The following GRB10 variants were observed in gnomAD, a reference collection of about 807,000 sequenced individuals.
The protein encoded by GRB10 is growth factor receptor bound protein 10.
In GRB10, 20 loss-of-function variants were observed where a neutral mutation model predicts 80.9. That is an observed-to-expected ratio of 0.25 (90% CI 0.17 to 0.36). GRB10 has a LOEUF of 0.36. Ranked by LOEUF, GRB10 falls within the 10% of genes least tolerant of loss-of-function variation. GRB10 has a pLI of 1.00. For missense variants in GRB10, 548 were observed against 747.7 expected, an observed-to-expected ratio of 0.73 and a Z score of 3.12; for synonymous variants, 291 against 291.5, an observed-to-expected ratio of 1.00 and a Z score of 0.02.
At chr7:50,789,890 C>G (rs116785509) in intron 1 of GRB10, among the ~76,000 whole-genome samples, 126 of 152,290 alleles carry the variant, frequency 8.3e-4, no homozygotes, top group African/African-American at 2.9e-3. Context: ...GACAATCACA[C>G]CATTTTTCAA....
At chr7:50,636,635 G>A (rs961735535) in intron 7 of GRB10, among the ~76,000 whole-genome samples, 1 of 151,912 alleles carries the variant, frequency 6.6e-6, no homozygotes, top group African/African-American at 2.4e-5. Flanking sequence ...AAAACCATAT[G>A]ATTATCTAAA....
chr7:50,653,741 C>A (rs1398283835), intron 7 of GRB10, among the ~76,000 whole-genome samples: 1 of 152,208 alleles, frequency 6.6e-6, no homozygotes, highest in Non-Finnish European at 1.5e-5. Context: ...ACACGCTTCA[C>A]CACTGTTCAC....
chr7:50,697,944 G>A (rs948779638), intron 5 of GRB10, among the ~76,000 whole-genome samples: 3 of 152,184 alleles, frequency 2.0e-5, no homozygotes, highest in Non-Finnish European at 4.4e-5. Flanking sequence ...TGAACACTCT[G>A]CACTTGGACC....
chr7:50,686,224 T>C (rs968233281), intron 5 of GRB10, among the ~76,000 whole-genome samples: 1 of 152,116 alleles, frequency 6.6e-6, no homozygotes, highest in African/African-American at 2.4e-5. Flanking sequence ...CGTGCCCTTA[T>C]AAAGCCCTGG....
chr7:50,703,911 A>C lies in GRB10; in HGVS notation c.52-3T>G. ...CGAGGTGTCTGCTCCACCTTGTCCT[A>C]AAAAAACAGGACCGCAGCAGAAAGG... is the stretch of plus-strand genomic sequence containing the variant. On this transcript the variant is annotated splice_region_variant and splice_polypyrimidine_tract_variant and intron_variant, in intron 4 of 18. Transcript: ENST00000401949. 1 of 1,607,040 alleles carries C rather than the reference A, an allele frequency of 6.2e-7. No homozygotes were observed. Among genetic ancestry groups the C allele is most frequent in the Non-Finnish European group, 8.5e-7 (1 of 1,174,490 alleles).
At chr7:50,706,559 A>G (rs1182031525) in intron 4 of GRB10, among the ~76,000 whole-genome samples, 1 of 152,094 alleles carries the variant, frequency 6.6e-6, no homozygotes, top group Non-Finnish European at 1.5e-5. Flanking sequence ...GTGACTGTTT[A>G]TTTTTCTGGA....
intron 2 of GRB10, chr7:50,761,853 G>A (rs1293841030): frequency 2.0e-5 from 3 of 152,130 alleles, no homozygotes; most frequent in Non-Finnish European, 4.4e-5. Context: ...GAGTTCTCAA[G>A]AGACCTGGTT....
chr7:50,732,706 C>A (rs1252683652), intron 3 of GRB10, among the ~76,000 whole-genome samples: 1 of 152,180 alleles, frequency 6.6e-6, no homozygotes, highest in South Asian at 2.1e-4. Context: ...TCTATTAACA[C>A]CCTGCAAACT....
chr7:50,682,692 C>T (rs2061677904), intron 5 of GRB10, among the ~76,000 whole-genome samples: 1 of 152,098 alleles, frequency 6.6e-6, no homozygotes, highest in African/African-American at 2.4e-5. Context: ...TGAGTATTTA[C>T]ACTTTGGAAA....
At chr7:50,748,061 G>A (rs1370443575) in intron 3 of GRB10, among the ~76,000 whole-genome samples, 5 of 152,206 alleles carry the variant, frequency 3.3e-5, no homozygotes, top group Admixed American at 3.3e-4. Flanking sequence ...AAATTCCAGA[G>A]GATAGGATTG....
At chr7:50,758,117 GC>G (rs1402100313) in intron 2 of GRB10, among the ~76,000 whole-genome samples, 1 of 152,106 alleles carries the variant, frequency 6.6e-6, no homozygotes, top group Non-Finnish European at 1.5e-5. Flanking sequence ...AAGATACAAT[GC>G]CTCCTCAATA....
chr7:50,601,966 C>T (rs1585491061), intron 17 of GRB10, among the ~76,000 whole-genome samples: 3 of 152,086 alleles, frequency 2.0e-5, no homozygotes, highest in South Asian at 2.1e-4. Context: ...AACCATTGGC[C>T]AATGAGGGGC....
At chr7:50,743,512 C>T (rs1563680408) in intron 3 of GRB10, among the ~76,000 whole-genome samples, 1 of 152,234 alleles carries the variant, frequency 6.6e-6, no homozygotes, top group African/African-American at 2.4e-5. Context: ...AGCATCAAGT[C>T]CCCTCAAGAA....
At chr7:50,772,480 A>G (rs1452041450) in intron 2 of GRB10, among the ~76,000 whole-genome samples, 1 of 152,228 alleles carries the variant, frequency 6.6e-6, no homozygotes, top group Non-Finnish European at 1.5e-5. Context: ...ATCATACTCA[A>G]TGGCGAAATA....
At chr7:50,634,206 A>G (rs2054522001) in intron 7 of GRB10, among the ~76,000 whole-genome samples, 1 of 152,224 alleles carries the variant, frequency 6.6e-6, no homozygotes, top group Non-Finnish European at 1.5e-5. Context: ...CAGAAACCTT[A>G]CAAGTCAGAA....
At chr7:50,668,292 G>T (rs2060013165) in intron 7 of GRB10, among the ~76,000 whole-genome samples, 1 of 152,198 alleles carries the variant, frequency 6.6e-6, no homozygotes, top group South Asian at 2.1e-4. Flanking sequence ...TGGCTGGCCT[G>T]TCTTGCTTGA....
At chr7:50,678,625 A>G (rs1004418264) in intron 5 of GRB10, among the ~76,000 whole-genome samples, 6 of 152,220 alleles carry the variant, frequency 3.9e-5, no homozygotes, top group African/African-American at 1.2e-4. Context: ...CAGGGGTTTT[A>G]AAGGTTTGAT....
Position 50,755,992 on chromosome 7 carries a change from C to A in GRB10, c.-152G>T. 2.5e-6 allele frequency: 1 copy of A among 398,882 alleles called. No individual in the cohort carries two copies. The highest frequency in any genetic ancestry group is 4.4e-6 in the Non-Finnish European group (1 of 226,284). 24.7% of individuals were successfully genotyped at this position (398,882 alleles called of 1,614,324 possible). A position where few individuals can be genotyped will look rare whatever the true frequency, so the allele number is the denominator to read the frequency against. On this transcript the variant is annotated 5_prime_UTR_variant, in exon 3 of 19. Coordinates refer to ENST00000401949, the MANE Select transcript of GRB10 (RefSeq NM_001350814.2). ...CTGCCGGTCACTGGGCTGCTGGTCACTGAGCTACCAGTCACTGGGCCTGCA... is the reference window on the plus strand; with the variant it reads ...CTGCCGGTCACTGGGCTGCTGGTCAATGAGCTACCAGTCACTGGGCCTGCA...
chr7:50,753,188 C>A (rs1379645994), intron 3 of GRB10, among the ~76,000 whole-genome samples: 1 of 152,222 alleles, frequency 6.6e-6, no homozygotes, highest in Non-Finnish European at 1.5e-5. Flanking sequence ...ATCTGAGACA[C>A]TCTGCAAACT....
Sources: allele counts gnomAD v4.1 joint callset (sites outside exome capture counted in the v4.1 genomes callset), GRCh38; gene constraint gnomAD v4.1.1; transcripts MANE v1.5; gene names NCBI Gene and HGNC (gene_info 2026-07-23, HGNC 2026-07-21).